Variants in CREB5 observed in about 807,000 individuals in gnomAD.
CREB5 encodes cAMP responsive element binding protein 5.
Under a neutral mutation model 57.1 loss-of-function variants are expected in CREB5, and 19 were observed. That is an observed-to-expected ratio of 0.33 (90% CI 0.23 to 0.49). The LOEUF (loss-of-function observed/expected upper bound fraction) is 0.49. Ranked by LOEUF, CREB5 falls within the 20% of genes least tolerant of loss-of-function variation. The probability of loss-of-function intolerance (pLI) is 0.99; values close to 1 mark genes in which losing one functional copy is unlikely to be tolerated. For synonymous variants in CREB5, 238 were observed against 238.3 expected (o/e 1.00, Z 0.01); for missense variants, 579 against 671.6 (o/e 0.86, Z 1.52).
chr7:28,659,152 C>A (rs949750204), intron 5 of CREB5, among the ~76,000 whole-genome samples: 9 of 151,546 alleles, frequency 5.9e-5, no homozygotes, highest in South Asian at 2.1e-4. Context: ...AATAAACATA[C>A]TAGGTGGATC....
chr7:28,560,929 C>CGTGT (rs1425241012), intron 4 of CREB5, among the ~76,000 whole-genome samples: 1,387 of 30,360 alleles, frequency 0.046, 147 homozygotes, highest in Non-Finnish European at 0.063. Context: ...TGTGCGCGTG[C>CGTGT]GTGTGTGCGT....
intron 5 of CREB5, among the ~76,000 whole-genome samples, chr7:28,692,326 G>T (rs1447584008): frequency 6.6e-6 from 1 of 152,192 alleles, no homozygotes; most frequent in African/African-American, 2.4e-5. Flanking sequence ...GCCAGAGGTG[G>T]TGACGCATGA....
chr7:28,471,952 C>T (rs1292452231), intron 1 of CREB5, among the ~76,000 whole-genome samples: 1 of 22,488 alleles, frequency 4.4e-5, no homozygotes, highest in Non-Finnish European at 8.0e-5. Context: ...CACAATTTGT[C>T]AATTATTAAA....
intron 7 of CREB5, among the ~76,000 whole-genome samples, chr7:28,782,435 GATAAA>G (rs1396193626): frequency 5.3e-5 from 8 of 152,240 alleles, no homozygotes; most frequent in Non-Finnish European, 8.8e-5. Context: ...TCTAAAATGA[GATAAA>G]ATAAGTCAGT....
At chr7:28,594,492 A>C (rs752957992) in intron 5 of CREB5, among the ~76,000 whole-genome samples, 1 of 152,170 alleles carries the variant, frequency 6.6e-6, no homozygotes, top group Non-Finnish European at 1.5e-5. Flanking sequence ...TGGTCTAGTT[A>C]GAGTGAGCTT....
rs59374546 is a variant in CREB5, at chr7:28,808,712, C to CTTT, written c.1027-448_1027-446dup. ...CGCCACCATGCCTGGCCAATTTTTC[C>CTTT]TTTTTTTTTTTTTTTTTTTTTTTTT... On this transcript the variant is annotated intron_variant, in intron 8 of 10. Transcript: ENST00000357727. 3.9e-3 allele frequency among the ~76,000 whole-genome samples: 328 copies of CTTT among 83,198 alleles called. 18 individuals carry two copies. The highest frequency in any genetic ancestry group is 0.016 in the African/African-American group (298 of 18,884). 54.6% of individuals were successfully genotyped at this position (83,198 alleles called of 152,430 possible).
intron 1 of CREB5, among the ~76,000 whole-genome samples, chr7:28,336,896 C>T (rs1318360046): frequency 7.9e-5 from 12 of 151,666 alleles, no homozygotes; most frequent in African/African-American, 1.9e-4. Flanking sequence ...GTTGTGTTTC[C>T]GTCATCATTT....
At chr7:28,734,117 A>C (rs34985001) in intron 7 of CREB5, among the ~76,000 whole-genome samples, 16,224 of 150,088 alleles carry the variant, frequency 0.11, 959 homozygotes, top group Middle Eastern at 0.14. Flanking sequence ...CTGGTGTGGC[A>C]CCATCTGAAG....
At chr7:28,377,759 C>T (rs1786864253) in intron 1 of CREB5, among the ~76,000 whole-genome samples, 3 of 151,406 alleles carry the variant, frequency 2.0e-5, no homozygotes. Context: ...AAACCCCCGT[C>T]TCTACTAAAA....
intron 1 of CREB5, among the ~76,000 whole-genome samples, chr7:28,394,061 A>T (rs1326440227): frequency 2.0e-5 from 2 of 98,936 alleles, no homozygotes; most frequent in Non-Finnish European, 3.7e-5. Context: ...ATGGAGCAAG[A>T]CTCTGTCTCA....
intron 1 of CREB5, among the ~76,000 whole-genome samples, chr7:28,329,207 A>C: frequency 6.6e-6 from 1 of 152,346 alleles, no homozygotes. Context: ...CCACCATTCT[A>C]TCTCATGGAA....
intron 5 of CREB5, among the ~76,000 whole-genome samples, chr7:28,601,731 T>G (rs1377789783): frequency 1.3e-5 from 2 of 152,162 alleles, no homozygotes; most frequent in Non-Finnish European, 2.9e-5. Context: ...GCATATAAAG[T>G]GGCTGAAAAA....
chr7:28,752,636 C>G (rs1805050911), intron 7 of CREB5, among the ~76,000 whole-genome samples: 1 of 152,206 alleles, frequency 6.6e-6, no homozygotes, highest in Non-Finnish European at 1.5e-5. Flanking sequence ...CCCCAGGATT[C>G]AATTTTAAAT....
chr7:28,364,507 A>G (rs1287612933), intron 1 of CREB5, among the ~76,000 whole-genome samples: 1 of 152,216 alleles, frequency 6.6e-6, no homozygotes, highest in Non-Finnish European at 1.5e-5. Context: ...TCCCTTGTAG[A>G]GGCCAACAGG....
At chr7:28,447,364 T>C (rs1789534696) in intron 1 of CREB5, among the ~76,000 whole-genome samples, 1 of 152,238 alleles carries the variant, frequency 6.6e-6, no homozygotes, top group Admixed American at 6.5e-5. Context: ...TGAGGTTTTC[T>C]AGAGTTTAAC....
At chr7:28,788,515 G>A (rs181467561) in intron 7 of CREB5, among the ~76,000 whole-genome samples, 48 of 152,330 alleles carry the variant, frequency 3.2e-4, no homozygotes, top group African/African-American at 1.0e-3. Flanking sequence ...TCATGTTACA[G>A]TGCATCGCAG....
At chr7:28,770,480 C>CT (rs778009076) in intron 7 of CREB5, among the ~76,000 whole-genome samples, 1 of 152,030 alleles carries the variant, frequency 6.6e-6, no homozygotes, top group East Asian at 1.9e-4. Context: ...AAGAATGGAA[C>CT]TTTTTTTTAT....
intron 4 of CREB5, among the ~76,000 whole-genome samples, chr7:28,548,549 G>T (rs531247184): frequency 3.3e-5 from 5 of 152,304 alleles, no homozygotes; most frequent in Non-Finnish European, 5.9e-5. Flanking sequence ...TGTGGAGAAA[G>T]TTAAACATGC....
intron 1 of CREB5, among the ~76,000 whole-genome samples, chr7:28,403,506 G>A (rs1279111925): frequency 6.6e-6 from 1 of 152,154 alleles, no homozygotes; most frequent in East Asian, 1.9e-4. Context: ...AATCCTTGCA[G>A]TATCCTAGGA....
Sources: gnomAD v4.1 joint callset for allele counts (sites outside exome capture counted in the v4.1 genomes callset) on GRCh38, gnomAD v4.1.1 for gene constraint, MANE v1.5 for transcripts, NCBI Gene and HGNC (gene_info 2026-07-23, HGNC 2026-07-21) for gene names.